FNDC3A: variants seen among roughly 807,000 people sequenced by gnomAD.
FNDC3A encodes the protein fibronectin type III domain containing 3A.
A neutral mutation model predicts 148.9 loss-of-function variants in FNDC3A; 32 were observed. The observed-to-expected ratio is 0.21, with a 90% confidence interval of 0.16 to 0.29. The LOEUF is 0.29. Among genes scored for constraint, FNDC3A ranks in the 10% least tolerant of loss-of-function variants. The pLI is 1.00. For synonymous variants in FNDC3A, 472 were observed against 473.6 expected, an observed-to-expected ratio of 1.00 and a Z score of 0.04; for missense variants, 1,191 against 1,452.8, an observed-to-expected ratio of 0.82 and a Z score of 2.93.
intron 2 of FNDC3A, among the ~76,000 whole-genome samples, chr13:49,065,748 A>AGGGGACCT (rs2137754150): frequency 6.6e-6 from 1 of 152,334 alleles, no homozygotes; most frequent in East Asian, 1.9e-4. Flanking sequence ...AGGGGACAAG[A>AGGGGACCT]GGGGACCTTT....
At chr13:49,062,076 C>G (rs554974919) in intron 2 of FNDC3A, among the ~76,000 whole-genome samples, 1 of 152,058 alleles carries the variant, frequency 6.6e-6, no homozygotes, top group Non-Finnish European at 1.5e-5. Flanking sequence ...CACAAAGCCC[C>G]GAAGTATCAC....
In FNDC3A at chr13:49,052,507, A is replaced by G. The variant is rs1224700515; in HGVS notation, c.100-22782A>G. On this transcript the variant is annotated intron_variant, in intron 2 of 25. Transcript: ENST00000492622. ...CAGACTGGTACTGGGGAGTGTCTGCAGAGTCCTGTGATATGATCCATCTTC... is the reference window on the plus strand; with the variant it reads ...CAGACTGGTACTGGGGAGTGTCTGCGGAGTCCTGTGATATGATCCATCTTC... Among the ~76,000 whole-genome samples, 3 of 152,134 alleles carry G rather than the reference A, an allele frequency of 2.0e-5. No homozygotes were observed. The East Asian group carries it at 5.8e-4, about 29-fold the overall frequency.
intron 4 of FNDC3A, among the ~76,000 whole-genome samples, chr13:49,123,076 C>T (rs1213878977): frequency 6.6e-6 from 1 of 152,178 alleles, no homozygotes; most frequent in Admixed American, 6.5e-5. Flanking sequence ...CTGGAGACAT[C>T]ATGCTGCCTG....
intron 2 of FNDC3A, among the ~76,000 whole-genome samples, chr13:49,068,208 G>A (rs9596061): frequency 6.7e-6 from 1 of 149,762 alleles, no homozygotes; most frequent in African/African-American, 2.5e-5. Flanking sequence ...GTGTGTGTGT[G>A]TGTAATTTAG....
chr13:49,085,876 CTTTTTTTT>C (rs111913275), intron 3 of FNDC3A, among the ~76,000 whole-genome samples: 1 of 134,622 alleles, frequency 7.4e-6, no homozygotes, highest in African/African-American at 2.8e-5. Context: ...CCCATCCATC[CTTTTTTTT>C]TTTTTTTTTT....
At chr13:49,151,195 A>C (rs1259956926) in intron 8 of FNDC3A, among the ~76,000 whole-genome samples, 1 of 152,184 alleles carries the variant, frequency 6.6e-6, no homozygotes, top group African/African-American at 2.4e-5. Context: ...GAAGTCCCCA[A>C]CTATTATTTT....
At chr13:49,174,961 T>G (rs6561504) in intron 12 of FNDC3A, among the ~76,000 whole-genome samples, 88,036 of 152,046 alleles carry the variant, frequency 0.58, 27,141 homozygotes, top group Non-Finnish European at 0.68. Context: ...GAGATAGCTC[T>G]GCTCACCTTA....
At chr13:49,003,425 A>C (rs1163332703) in intron 1 of FNDC3A, among the ~76,000 whole-genome samples, 1 of 152,034 alleles carries the variant, frequency 6.6e-6, no homozygotes, top group East Asian at 1.9e-4. Flanking sequence ...TCTTTTTTTA[A>C]AAATCAATTT....
At chr13:49,070,899 G>GTTTTTTTTCT (rs1877632758) in intron 2 of FNDC3A, among the ~76,000 whole-genome samples, 1 of 91,630 alleles carries the variant, frequency 1.1e-5, no homozygotes, top group Non-Finnish European at 2.2e-5. Flanking sequence ...TTTTTGTTTT[G>GTTTTTTTTCT]TTTTTTTTCT....
chr13:49,060,592 C>T (rs760943006), intron 2 of FNDC3A, among the ~76,000 whole-genome samples: 4 of 148,908 alleles, frequency 2.7e-5, no homozygotes, highest in African/African-American at 7.5e-5. Context: ...TGCAGTGACC[C>T]GAGATTGTGC....
intron 3 of FNDC3A, among the ~76,000 whole-genome samples, chr13:49,098,288 A>G (rs1045822562): frequency 3.9e-5 from 6 of 152,080 alleles, no homozygotes; most frequent in Admixed American, 3.9e-4. Flanking sequence ...AGTTTTTTTC[A>G]GTCTGTGGCC....
intron 1 of FNDC3A, among the ~76,000 whole-genome samples, chr13:48,979,995 T>G (rs1951669057): frequency 6.6e-6 from 1 of 152,138 alleles, no homozygotes; most frequent in African/African-American, 2.4e-5. Context: ...GTGAAATTTC[T>G]TGCATCATCT....
intron 5 of FNDC3A, 54 bp from the exon 6 acceptor site, chr13:49,136,278 A>G: frequency 6.9e-7 from 1 of 1,454,602 alleles, no homozygotes; most frequent in South Asian, 1.3e-5. Flanking sequence ...TTCATGGCAT[A>G]AACTTATTTG....
Position 49,209,616 on chromosome 13 carries a change from A to G in FNDC3A, c.*2221A>G, listed in dbSNP as rs541515222. ...TGAGATACGTTTATTGTATTCATAT[A>G]TATTCATTATTTGCTACCTGTTTAA... On this transcript the variant is annotated 3_prime_UTR_variant, in exon 26 of 26. Coordinates refer to ENST00000492622, the MANE Select transcript of FNDC3A (RefSeq NM_001079673.2). The G allele has an allele frequency of 6.5e-6, 1 of 152,750 alleles. No individual in the cohort carries two copies. The highest frequency in any genetic ancestry group is 1.5e-5 in the Non-Finnish European group (1 of 68,018). The allele number at this position is 152,750 out of a possible 1,614,324, so 9.5% of individuals were successfully genotyped here.
chr13:49,097,830 A>C (rs1047301183), intron 3 of FNDC3A, among the ~76,000 whole-genome samples: 4 of 152,116 alleles, frequency 2.6e-5, no homozygotes, highest in African/African-American at 9.7e-5. Context: ...CGAAAAGACT[A>C]ATAAAGTTTT....
At chr13:49,184,395 C>G (rs1885456242) in intron 14 of FNDC3A, among the ~76,000 whole-genome samples, 1 of 152,140 alleles carries the variant, frequency 6.6e-6, no homozygotes, top group Admixed American at 6.6e-5. Flanking sequence ...ATTACAGTCA[C>G]TCAGGAAAGA....
At chr13:49,177,985 T>C (rs1362161128) in intron 13 of FNDC3A, among the ~76,000 whole-genome samples, 1 of 152,202 alleles carries the variant, frequency 6.6e-6, no homozygotes, top group Non-Finnish European at 1.5e-5. Flanking sequence ...GATTTTATAC[T>C]TTGAAATGGT....
chr13:49,075,497 T>C (rs1490746121), intron 3 of FNDC3A, 133 bp downstream of exon 3: 2 of 574,990 alleles, frequency 3.5e-6, no homozygotes, highest in Non-Finnish European at 6.3e-6. Flanking sequence ...AACTCTGATA[T>C]CTTAGCATTT....
chr13:49,158,381 G>A (rs779987954), intron 8 of FNDC3A, among the ~76,000 whole-genome samples: 17 of 152,294 alleles, frequency 1.1e-4, no homozygotes, highest in Admixed American at 2.0e-4. Context: ...GCTTCGGCTC[G>A]CCCACGGTAC....
Sources: gnomAD v4.1 joint callset for allele counts (sites outside exome capture counted in the v4.1 genomes callset) on GRCh38, gnomAD v4.1.1 for gene constraint, MANE v1.5 for transcripts, NCBI Gene and HGNC (gene_info 2026-07-23, HGNC 2026-07-21) for gene names.